Variants in AFAP1 observed in about 807,000 individuals in gnomAD.
AFAP1 encodes the protein actin filament-associated protein 1.
In AFAP1, 75 loss-of-function variants were observed where a neutral mutation model predicts 93.9. The ratio of observed to expected loss-of-function variants is 0.80; its 90% CI spans 0.66 to 0.97. The LOEUF is 0.97. Among genes scored for constraint, AFAP1 ranks in the 50% least tolerant of loss-of-function variants. The pLI, the probability that AFAP1 is intolerant of heterozygous loss-of-function variation, is 0.00. For missense variants in AFAP1, 1,201 were observed against 1,050.8 expected, an observed-to-expected ratio of 1.14 and a Z score of -1.98; for synonymous variants, 517 against 430.7, an observed-to-expected ratio of 1.20 and a Z score of -2.48.
At chr4:7,818,203 A>C (rs1220022487) in intron 7 of AFAP1, among the ~76,000 whole-genome samples, 2 of 152,180 alleles carry the variant, frequency 1.3e-5, no homozygotes, top group Non-Finnish European at 2.9e-5. Flanking sequence ...AAATCTCCCT[A>C]AATTCCTGCA....
intron 17 of AFAP1, among the ~76,000 whole-genome samples, chr4:7,765,532 A>G (rs1441047742): frequency 6.6e-6 from 1 of 152,186 alleles, no homozygotes; most frequent in Non-Finnish European, 1.5e-5. Context: ...CTGGGTCCTC[A>G]GCACCCAGTG....
chr4:7,855,577 G>A lies in AFAP1; in HGVS notation c.226-3C>T, dbSNP rs772437410. The A allele has an allele frequency of 5.6e-6, 9 of 1,603,654 alleles. 1 individual carries two copies. The highest frequency in any genetic ancestry group is 7.7e-6 in the Non-Finnish European group (9 of 1,170,602). ...GGTGGAGGCCCACTGTCAGGAGGCT[G>A]AGGAAGAAAGGAAAAGTGACACAGA... On this transcript the variant is annotated splice_region_variant and splice_polypyrimidine_tract_variant and intron_variant, in intron 3 of 17. Transcript: ENST00000420658.
At chr4:7,834,134 T>TAC (rs1553842869) in intron 6 of AFAP1, among the ~76,000 whole-genome samples, 4,842 of 97,842 alleles carry the variant, frequency 0.049, 150 homozygotes, top group Admixed American at 0.1. Context: ...CACACATATA[T>TAC]ACAATGGAAT....
rs1016960200 is a variant in AFAP1 at position 7,804,149 on chromosome 4, G to A, written c.1055-3496C>T. On this transcript the variant is annotated intron_variant, in intron 9 of 17. Transcript: ENST00000420658. The stretch of plus-strand genomic sequence containing the variant: ...TGGCTGATGAAATCAGTGCTGACCC[G>A]GACCCCAAGTCATGTCCAGGAAAGG... Among the ~76,000 whole-genome samples, 127 of 147,166 alleles carry A rather than the reference G, an allele frequency of 8.6e-4. 2 individuals carry two copies. The highest frequency in any genetic ancestry group is 3.0e-3 in the African/African-American group (120 of 40,594).
intron 1 of AFAP1, among the ~76,000 whole-genome samples, chr4:7,922,439 T>G (rs1720488884): frequency 6.6e-6 from 1 of 151,998 alleles, no homozygotes; most frequent in African/African-American, 2.4e-5. Context: ...ATGGAGAAGA[T>G]TTAAGGAGGT....
chr4:7,794,696 A>ATT (rs57950995), intron 10 of AFAP1, among the ~76,000 whole-genome samples: 1 of 151,352 alleles, frequency 6.6e-6, no homozygotes, highest in East Asian at 1.9e-4. Context: ...TAATTTTTTT[A>ATT]TTTTTTATTT....
At chr4:7,777,118 G>C (rs1411405545) in intron 14 of AFAP1, 1 of 152,156 alleles carries the variant, frequency 6.6e-6, no homozygotes, top group African/African-American at 2.4e-5. Context: ...GACTCCGTGG[G>C]ACTCCGATTT....
chr4:7,871,641 G>A lies in AFAP1; in HGVS notation c.127+311C>T, dbSNP rs143944003. On this transcript the variant is annotated intron_variant, in intron 2 of 17. Transcript: ENST00000420658. ...TGCATCCTCACTACGGCTGCAGTGC[G>A]TCCTGCACACGAGGAAGAACAACCT... is the stretch of plus-strand genomic sequence containing the variant. Among the ~76,000 whole-genome samples the A allele has an allele frequency of 1.8e-4, 27 of 152,294 alleles. No homozygotes were observed. The South Asian group carries it at 4.1e-3, about 23-fold the overall frequency.
chr4:7,838,584 C>G lies in AFAP1; in HGVS notation c.666G>C (p.Gln222His). Residue 222 changes from glutamine (Q) to histidine (H), a missense_variant, in exon 6 of 18, where the codon CAG becomes CAC. Gln to His is a conservative substitution (Grantham distance 24). Transcript: ENST00000420658. Reference protein sequence around the residue: ...KKKHELKITQQGTDPLVLAVQ... With the variant: ...KKKHELKITQHGTDPLVLAVQ... ...CGGCGAGAACAAGCGGGTCCGTGCCCTGCTGAGTAATCTTCAGCTCGTGCT... is the reference window on the plus strand; with the variant it reads ...CGGCGAGAACAAGCGGGTCCGTGCCGTGCTGAGTAATCTTCAGCTCGTGCT... 6.2e-7 allele frequency: 1 copy of G among 1,614,164 alleles called. No individual in the cohort carries two copies. Among genetic ancestry groups the G allele is most frequent in the South Asian group, 1.1e-5 (1 of 91,086 alleles).
At position 7,774,658 on chromosome 4, in the gene AFAP1, G is replaced by A. The variant is rs958709801; in HGVS notation, c.2062+81C>T. ...AAAATGACAGCCTTGGTGAGCAATA[G>A]GTCCTTTGGGCAAAGCAGAATGAAA... On this transcript the variant is annotated intron_variant, in intron 15 of 17. Coordinates refer to ENST00000420658, the MANE Select transcript of AFAP1 (RefSeq NM_001134647.2). 1.3e-5 allele frequency: 20 copies of A among 1,532,284 alleles called. No individual in the cohort carries two copies. In the African/African-American group the frequency reaches 2.8e-4, roughly 21 times the overall value. 94.9% of individuals were successfully genotyped at this position (1,532,284 alleles called of 1,614,324 possible).
chr4:7,803,572 A>C (rs1423401003), intron 9 of AFAP1, among the ~76,000 whole-genome samples: 1 of 149,550 alleles, frequency 6.7e-6, no homozygotes, highest in Non-Finnish European at 1.5e-5. Flanking sequence ...CCCAGTCCCC[A>C]AGAGGGCATG....
rs552211338 is a variant in AFAP1 at position 7,879,699 on chromosome 4, C to CTTT, written c.-2-7622_-2-7620dup. Among the ~76,000 whole-genome samples, 743 of 121,692 alleles carry CTTT rather than the reference C, an allele frequency of 6.1e-3. 25 individuals are homozygous for CTTT. Among genetic ancestry groups the CTTT allele is most frequent in the African/African-American group, 8.6e-3 (282 of 32,610 alleles). 79.8% of individuals were successfully genotyped at this position (121,692 alleles called of 152,430 possible). On this transcript the variant is annotated intron_variant, in intron 1 of 17. Coordinates refer to ENST00000420658, the MANE Select transcript of AFAP1 (RefSeq NM_001134647.2). ...CTAATTAATTATCTCTGCTTGCTTG[C>CTTT]TTTTTTTTTTTTTTTTTTGTGAGAC...
chr4:7,872,148 G>A, intron 1 of AFAP1, 68 bp from the exon 2 acceptor site: 5 of 1,564,278 alleles, frequency 3.2e-6, no homozygotes, highest in Non-Finnish European at 4.4e-6. Flanking sequence ...TGAATACTGA[G>A]TCTTACTCGA....
chr4:7,889,845 C>T (rs1301422300), intron 1 of AFAP1, among the ~76,000 whole-genome samples: 6 of 150,592 alleles, frequency 4.0e-5, no homozygotes, highest in Admixed American at 2.0e-4. Context: ...CTATGAGATG[C>T]TGTTAAGAAA....
intron 10 of AFAP1, among the ~76,000 whole-genome samples, chr4:7,800,056 G>A (rs1166417289): frequency 6.6e-6 from 1 of 152,202 alleles, no homozygotes; most frequent in Non-Finnish European, 1.5e-5. Flanking sequence ...GCTCCTGGGG[G>A]AAAGAGCTTT....
chr4:7,764,148 T>C (rs1714214232), intron 17 of AFAP1, among the ~76,000 whole-genome samples: 1 of 152,210 alleles, frequency 6.6e-6, no homozygotes, highest in Non-Finnish European at 1.5e-5. Flanking sequence ...CGCTGCAACC[T>C]GGATGAACCT....
At chr4:7,842,301 C>CAAAAAAAAAAAAAAA (rs57050150) in intron 5 of AFAP1, among the ~76,000 whole-genome samples, 3 of 94,898 alleles carry the variant, frequency 3.2e-5, no homozygotes, top group East Asian at 3.0e-4. Flanking sequence ...CCTGGATTTA[C>CAAAAAAAAAAAAAAA]AAAAAAAAAA....
chr4:7,899,805 A>G (rs1719009597), intron 1 of AFAP1, among the ~76,000 whole-genome samples: 1 of 150,710 alleles, frequency 6.6e-6, no homozygotes, highest in African/African-American at 2.4e-5. Flanking sequence ...GGCTTCAACC[A>G]ACTGAAAACA....
At chr4:7,800,800 C>T (rs527771730) in intron 9 of AFAP1, 147 bp from the exon 10 acceptor site, 12 of 811,052 alleles carry the variant, frequency 1.5e-5, no homozygotes, top group South Asian at 3.4e-5. Context: ...AATGCAAATT[C>T]GCATAAACTA....
Sources: allele counts gnomAD v4.1 joint callset (sites outside exome capture counted in the v4.1 genomes callset), GRCh38; gene constraint gnomAD v4.1.1; transcripts MANE v1.5; gene names NCBI Gene and HGNC (gene_info 2026-07-23, HGNC 2026-07-21).